ARSB: variants seen among roughly 807,000 people sequenced by gnomAD.
The protein encoded by ARSB is arylsulfatase B, also known as N-acetylgalactosamine-4-sulfatase.
A neutral mutation model predicts 50.9 loss-of-function variants in ARSB; 41 were observed. That is an observed-to-expected ratio of 0.81 (90% CI 0.63 to 1.04). The LOEUF (loss-of-function observed/expected upper bound fraction) is 1.04, where lower values mean the gene tolerates loss of function less well. Among genes scored for constraint, ARSB ranks in the 50% least tolerant of loss-of-function variants. The probability of loss-of-function intolerance (pLI) is 0.00; values close to 1 mark genes in which losing one functional copy is unlikely to be tolerated. For missense variants in ARSB, 672 were observed against 693.3 expected (o/e 0.97, Z 0.35); for synonymous variants, 269 against 284.8 (o/e 0.94, Z 0.56).
chr5:78,888,337 T>G (rs908267939), intron 4 of ARSB, among the ~76,000 whole-genome samples: 2 of 151,134 alleles, frequency 1.3e-5, no homozygotes, highest in African/African-American at 2.5e-5. Context: ...TTCATGATAC[T>G]GCACAGAGTA....
At chr5:78,880,775 G>C (rs987669411) in intron 5 of ARSB, among the ~76,000 whole-genome samples, 1 of 152,126 alleles carries the variant, frequency 6.6e-6, no homozygotes, top group African/African-American at 2.4e-5. Flanking sequence ...TCACAAAATA[G>C]GTAATATCTA....
rs148260627 is a variant in ARSB at position 78,917,631 on chromosome 5, G to A, written c.899-31804C>T. Among the ~76,000 whole-genome samples, 49 of 152,234 alleles carry A rather than the reference G, an allele frequency of 3.2e-4. 1 individual carries two copies. Among genetic ancestry groups the A allele is most frequent in the African/African-American group, 5.3e-4 (22 of 41,552 alleles). ...GGGTTGAAGTGATTCTCATGCCTCA[G>A]CCTCCAGAGTAGCTCGGATTACAGT... On this transcript the variant is annotated intron_variant, in intron 4 of 7. Coordinates refer to ENST00000264914, the MANE Select transcript of ARSB (RefSeq NM_000046.5).
chr5:78,873,812 A>G (rs1747358271), intron 5 of ARSB, among the ~76,000 whole-genome samples: 1 of 152,204 alleles, frequency 6.6e-6, no homozygotes, highest in African/African-American at 2.4e-5. Context: ...GTAATTTTTA[A>G]AAACTCTGAA....
chr5:78,933,836 A>C (rs1750457164), intron 4 of ARSB, among the ~76,000 whole-genome samples: 3 of 152,180 alleles, frequency 2.0e-5, no homozygotes, highest in African/African-American at 7.2e-5. Flanking sequence ...ACCTAAATAT[A>C]GGGAGATTAT....
At chr5:78,846,050 A>G (rs1745429805) in intron 5 of ARSB, among the ~76,000 whole-genome samples, 1 of 152,048 alleles carries the variant, frequency 6.6e-6, no homozygotes, top group Non-Finnish European at 1.5e-5. Flanking sequence ...TTTTGAGTTG[A>G]TTTTTATATA....
intron 4 of ARSB, among the ~76,000 whole-genome samples, chr5:78,900,318 C>G (rs545316569): frequency 4.6e-5 from 7 of 152,248 alleles, no homozygotes; most frequent in African/African-American, 1.4e-4. Context: ...TTTGTTGCAG[C>G]CTGTCCTCAG....
chr5:78,879,864 C>T (rs1346797365), intron 5 of ARSB, among the ~76,000 whole-genome samples: 1 of 151,984 alleles, frequency 6.6e-6, no homozygotes, highest in Non-Finnish European at 1.5e-5. Flanking sequence ...TTTTCTCAAG[C>T]AATGGGAACA....
At chr5:78,862,184 T>C (rs184696814) in intron 5 of ARSB, among the ~76,000 whole-genome samples, 1 of 152,288 alleles carries the variant, frequency 6.6e-6, no homozygotes, top group African/African-American at 2.4e-5. Context: ...AAAATGGCCA[T>C]ACTGCCCGAG....
intron 4 of ARSB, among the ~76,000 whole-genome samples, chr5:78,937,783 T>C (rs1750704994): frequency 6.6e-6 from 1 of 151,776 alleles, no homozygotes; most frequent in Non-Finnish European, 1.5e-5. Context: ...GAACTTCTAG[T>C]TCCAAAATGA....
In ARSB at chr5:78,878,794, C is replaced by T. The variant is rs531032711; in HGVS notation, c.1142+6790G>A. Among the ~76,000 whole-genome samples the T allele has an allele frequency of 1.1e-4, 16 of 152,180 alleles. No homozygotes were observed. The East Asian group carries it at 3.1e-3, about 29-fold the overall frequency. On this transcript the variant is annotated intron_variant, in intron 5 of 7. Transcript: ENST00000264914. ...AGTTGTCACCACTGTCATGTTATGA[C>T]ATCTTAAAGTGTTTCCCATTGATGA...
At chr5:78,952,484 A>G (rs1751529869) in intron 4 of ARSB, among the ~76,000 whole-genome samples, 1 of 152,194 alleles carries the variant, frequency 6.6e-6, no homozygotes, top group South Asian at 2.1e-4. Flanking sequence ...CTACAGGCAC[A>G]TGCCACCACA....
intron 1 of ARSB, among the ~76,000 whole-genome samples, chr5:78,971,049 G>A (rs1197652064): frequency 6.6e-6 from 1 of 152,196 alleles, no homozygotes; most frequent in Non-Finnish European, 1.5e-5. Context: ...GTGAGACTTG[G>A]AGAAATCCGG....
At chr5:78,983,086 C>T (rs762361643) in intron 1 of ARSB, among the ~76,000 whole-genome samples, 2 of 152,128 alleles carry the variant, frequency 1.3e-5, no homozygotes, top group African/African-American at 4.8e-5. Flanking sequence ...TGGAGTCTTG[C>T]TCTGTCGCCC....
At chr5:78,848,762 C>T (rs563507107) in intron 5 of ARSB, among the ~76,000 whole-genome samples, 1 of 152,330 alleles carries the variant, frequency 6.6e-6, no homozygotes, top group East Asian at 1.9e-4. Flanking sequence ...GATTGCCATT[C>T]TAACTGGTGT....
intron 1 of ARSB, among the ~76,000 whole-genome samples, chr5:78,972,981 A>T (rs142041769): frequency 6.6e-6 from 1 of 152,166 alleles, no homozygotes; most frequent in African/African-American, 2.4e-5. Flanking sequence ...ACATCCAAAA[A>T]CATGTTTTCG....
chr5:78,932,253 T>C (rs771487978), intron 4 of ARSB, among the ~76,000 whole-genome samples: 14 of 152,186 alleles, frequency 9.2e-5, no homozygotes, highest in Non-Finnish European at 1.3e-4. Context: ...AGATACCGCT[T>C]TACCTCCCAT....
intron 6 of ARSB, among the ~76,000 whole-genome samples, 197 bp from the exon 7 acceptor site, chr5:78,782,171 G>A (rs964336934): frequency 4.6e-5 from 7 of 152,036 alleles, no homozygotes; most frequent in African/African-American, 1.4e-4. Flanking sequence ...ATAAACCACC[G>A]CAAATATAAA....
chr5:78,854,225 G>A (rs1438186073), intron 5 of ARSB, among the ~76,000 whole-genome samples: 2 of 152,130 alleles, frequency 1.3e-5, no homozygotes, highest in East Asian at 1.9e-4. Flanking sequence ...CGTGAATTTT[G>A]TTTATTTCTG....
In ARSB at chr5:78,872,168, A is replaced by C. The variant is rs561232570; in HGVS notation, c.1142+13416T>G. ...AATCATTAAAAAGTCAGGAAACAAC[A>C]GGTGCTGGAGAGGATGTGGAGAAAC... On this transcript the variant is annotated intron_variant, in intron 5 of 7. Coordinates refer to ENST00000264914, the MANE Select transcript of ARSB (RefSeq NM_000046.5). 3.0e-3 allele frequency among the ~76,000 whole-genome samples: 445 copies of C among 149,258 alleles called. 4 individuals are homozygous for C. Among genetic ancestry groups the C allele is most frequent in the African/African-American group, 0.01 (432 of 41,158 alleles).
Sources: allele counts gnomAD v4.1 joint callset (sites outside exome capture counted in the v4.1 genomes callset), GRCh38; gene constraint gnomAD v4.1.1; transcripts MANE v1.5; gene names NCBI Gene and HGNC (gene_info 2026-07-23, HGNC 2026-07-21).